CEP97: variants seen among roughly 807,000 people sequenced by gnomAD.
The protein encoded by CEP97 is centrosomal protein 97.
Under a neutral mutation model 73.1 loss-of-function variants are expected in CEP97, and 43 were observed. That is an observed-to-expected ratio of 0.59 (90% CI 0.46 to 0.76). The LOEUF is 0.76. CEP97 is among the 30% of genes least tolerant of loss of function. The pLI is 0.00. For synonymous variants in CEP97, 337 were observed against 370.0 expected (o/e 0.91, Z 1.02); for missense variants, 939 against 1,014.0 (o/e 0.93, Z 1.00).
At chr3:101,736,204 C>CT (rs1938270760) in intron 6 of CEP97, among the ~76,000 whole-genome samples, 1 of 152,192 alleles carries the variant, frequency 6.6e-6, no homozygotes, top group African/African-American at 2.4e-5. Context: ...AGTCAGGGGG[C>CT]TTATAGATAA....
chr3:101,758,192 T>C lies in CEP97; in HGVS notation c.1586T>C (p.Ile529Thr), dbSNP rs144182298. ...ENTQPENKET[I>T]SQATSEKLPM... ...ACACAACCAGAAAATAAAGAAACCA[T>C]ATCTCAAGCAACTTCAGAGAAACTT... Residue 529 changes from isoleucine to threonine, a missense_variant, in exon 9 of 11, where the codon ATA becomes ACA. Ile to Thr is a moderately conservative substitution (Grantham distance 89, BLOSUM62 -1). Coordinates refer to ENST00000341893, the MANE Select transcript of CEP97 (RefSeq NM_024548.4). 222 of 1,613,902 alleles carry C rather than the reference T, an allele frequency of 1.4e-4. No homozygotes were observed. In the African/African-American group the frequency reaches 2.4e-3, roughly 18 times the overall value.
rs1939305782 is a variant in CEP97, at chr3:101,765,870, A to G, written c.*319A>G. ...TTTACTTTCAAAAATAAGCTAGAAT[A>G]TATTAAAGAAAATAGAAAAAATTAC... On this transcript the variant is annotated 3_prime_UTR_variant, in exon 11 of 11. Coordinates refer to ENST00000341893, the MANE Select transcript of CEP97 (RefSeq NM_024548.4). 1 of 178,242 alleles carries G rather than the reference A, an allele frequency of 5.6e-6. No homozygotes were observed. The highest frequency in any genetic ancestry group is 1.2e-5 in the Non-Finnish European group (1 of 85,694). 11.0% of individuals were successfully genotyped at this position (178,242 alleles called of 1,614,324 possible). A position where few individuals can be genotyped will look rare whatever the true frequency, so the allele number is the denominator to read the frequency against.
chr3:101,734,203 G>A (rs1006170072), intron 6 of CEP97, among the ~76,000 whole-genome samples: 1 of 152,186 alleles, frequency 6.6e-6, no homozygotes, highest in Admixed American at 6.5e-5. Context: ...AGTTTCTGTG[G>A]CTTGGAGCTG....
chr3:101,730,231 T>TTTTGTTTTG (rs1560008268), intron 4 of CEP97, among the ~76,000 whole-genome samples: 2,381 of 145,006 alleles, frequency 0.016, 37 homozygotes, highest in African/African-American at 0.03. Flanking sequence ...CGAGTCTGTT[T>TTTTGTTTTG]TTTTGTTTTG....
intron 6 of CEP97, among the ~76,000 whole-genome samples, chr3:101,743,742 G>A (rs935332020): frequency 1.3e-5 from 2 of 152,108 alleles, no homozygotes; most frequent in Non-Finnish European, 2.9e-5. Context: ...AGTGGCTCAC[G>A]CCTGTAATCC....
Position 101,757,160 on chromosome 3 carries a change from A to C in CEP97, c.991A>C (p.Ser331Arg), listed in dbSNP as rs1939029575. The C allele has an allele frequency of 1.2e-6, 2 of 1,611,994 alleles. No individual in the cohort carries two copies. Among genetic ancestry groups the C allele is most frequent in the East Asian group, 4.5e-5 (2 of 44,760 alleles). ...TRASLIPEHSSPVQDCQISQE... is the reference protein window; with the variant it reads ...TRASLIPEHSRPVQDCQISQE... Reference sequence around the variant, plus strand: ...GGCATCCCTTATTCCTGAGCATTCAAGCCCTGTTCAAGATTGCCAGATATC... The same window carrying C: ...GGCATCCCTTATTCCTGAGCATTCACGCCCTGTTCAAGATTGCCAGATATC... The change falls in exon 8 of 11, where the codon AGC becomes CGC. Residue 331 changes from serine to arginine, a missense_variant. Coordinates refer to ENST00000341893, the MANE Select transcript of CEP97 (RefSeq NM_024548.4).
At chr3:101,753,642 C>T (rs1300134831) in intron 6 of CEP97, among the ~76,000 whole-genome samples, 1 of 152,228 alleles carries the variant, frequency 6.6e-6, no homozygotes, top group Non-Finnish European at 1.5e-5. Context: ...TGCTGCCTTG[C>T]AGTTTGATCT....
intron 6 of CEP97, among the ~76,000 whole-genome samples, chr3:101,742,914 A>C (rs1008563236): frequency 6.6e-6 from 1 of 152,138 alleles, no homozygotes; most frequent in Non-Finnish European, 1.5e-5. Context: ...TTTTAAAATA[A>C]TATTTTAAAA....
In CEP97 at chr3:101,767,266, C is replaced by T. The variant is rs942362267; in HGVS notation, c.*1715C>T. ...ATAAATAAAAGAGTAATCTTACTTT[C>T]AGAAGGATTTTCCTTAGTGAAACAT... is the stretch of plus-strand genomic sequence containing the variant. On this transcript the variant is annotated 3_prime_UTR_variant, in exon 11 of 11. Coordinates refer to ENST00000341893, the MANE Select transcript of CEP97 (RefSeq NM_024548.4). 1.3e-4 allele frequency: 20 copies of T among 152,266 alleles called. No homozygotes were observed. The highest frequency in any genetic ancestry group is 4.8e-4 in the African/African-American group (20 of 41,542). 9.4% of individuals were successfully genotyped at this position (152,266 alleles called of 1,614,324 possible). A position where few individuals can be genotyped will look rare whatever the true frequency, so the allele number is the denominator to read the frequency against.
intron 6 of CEP97, among the ~76,000 whole-genome samples, chr3:101,753,087 T>C (rs1938886977): frequency 6.6e-6 from 1 of 152,212 alleles, no homozygotes; most frequent in African/African-American, 2.4e-5. Context: ...GGATGTCCTT[T>C]GTGTTTGTTA....
Position 101,758,109 on chromosome 3 carries a change from T to G in CEP97, c.1503T>G (p.Leu501=). The change falls in exon 9 of 11, where the codon CTT becomes CTG. Residue 501 remains leucine, a synonymous_variant. Transcript: ENST00000341893. Reference sequence around the variant, plus strand: ...TCTTGAAGGATGATAACCACAGTCTTACATTTTTTCCTGAGTCAACTGAGC... The same window carrying G: ...TCTTGAAGGATGATAACCACAGTCTGACATTTTTTCCTGAGTCAACTGAGC... ...SAILKDDNHS[L]TFFPESTEQK... The G allele has an allele frequency of 6.2e-7, 1 of 1,614,208 alleles. No homozygotes were observed. Among genetic ancestry groups the G allele is most frequent in the Admixed American group, 1.7e-5 (1 of 60,028 alleles).
chr3:101,724,863 C>T (rs1411433658), intron 1 of CEP97, 144 bp downstream of exon 1: 1 of 835,532 alleles, frequency 1.2e-6, no homozygotes, highest in Non-Finnish European at 1.9e-6. Flanking sequence ...GGCGGGCTAC[C>T]CTCTGGGAGT....
intron 10 of CEP97, 31 bp downstream of exon 10, chr3:101,762,591 T>C: frequency 6.8e-7 from 1 of 1,475,086 alleles, no homozygotes; most frequent in Non-Finnish European, 9.4e-7. Flanking sequence ...TTACCTCATA[T>C]ATGATCAAAT....
intron 6 of CEP97, among the ~76,000 whole-genome samples, chr3:101,735,150 GA>G (rs1938233450): frequency 6.6e-6 from 1 of 152,332 alleles, no homozygotes; most frequent in African/African-American, 2.4e-5. Flanking sequence ...TGAAACTAAA[GA>G]GAGTGTCAAG....
At chr3:101,737,645 G>A (rs1938319730) in intron 6 of CEP97, among the ~76,000 whole-genome samples, 1 of 152,176 alleles carries the variant, frequency 6.6e-6, no homozygotes, top group Non-Finnish European at 1.5e-5. Context: ...AAGGCTGAGA[G>A]ATTTTGTTAC....
intron 7 of CEP97, 108 bp downstream of exon 7, chr3:101,755,702 G>A (rs1938985901): frequency 2.8e-6 from 3 of 1,059,100 alleles, no homozygotes; most frequent in Non-Finnish European, 4.2e-6. Context: ...CCACATTTCT[G>A]GACACTCAGT....
At chr3:101,751,955 A>T (rs903026967) in intron 6 of CEP97, among the ~76,000 whole-genome samples, 1 of 151,854 alleles carries the variant, frequency 6.6e-6, no homozygotes, top group East Asian at 1.9e-4. Context: ...TCCTGTCATT[A>T]TGATGTTAGC....
intron 6 of CEP97, among the ~76,000 whole-genome samples, chr3:101,751,659 A>G (rs984134941): frequency 1.3e-5 from 2 of 152,128 alleles, no homozygotes; most frequent in African/African-American, 4.8e-5. Context: ...TCCCTTTACC[A>G]TTATGTAATG....
chr3:101,728,499 G>C (rs1307455463), intron 3 of CEP97, among the ~76,000 whole-genome samples: 1 of 151,806 alleles, frequency 6.6e-6, no homozygotes, highest in African/African-American at 2.4e-5. Flanking sequence ...CCTGACCTCA[G>C]GCTGTCCACC....
Sources: allele counts gnomAD v4.1 joint callset (sites outside exome capture counted in the v4.1 genomes callset), GRCh38; gene constraint gnomAD v4.1.1; transcripts MANE v1.5; gene names NCBI Gene and HGNC (gene_info 2026-07-23, HGNC 2026-07-21).